Variants in SPACA6 observed in about 807,000 individuals in gnomAD.
SPACA6 encodes sperm acrosome associated 6.
For missense variants in SPACA6, 8 were observed against 2.8 expected, an observed-to-expected ratio of 2.88 and a Z score of -1.34; for synonymous variants, 6 against 1.5, an observed-to-expected ratio of 4.05 and a Z score of -2.21.
chr19:51,690,446 C>T (rs369068094), upstream of SPACA6, among the ~76,000 whole-genome samples: 6 of 152,178 alleles, frequency 3.9e-5, no homozygotes, highest in African/African-American at 1.4e-4. Flanking sequence ...CCCCAGGCCC[C>T]TCCTCCTCCG....
rs1179126487 is a variant in SPACA6, at chr19:51,704,198, C to A, written c.730+12C>A. ...CTTCTTTCTTAACGGTGGGGCGGGGCGCGGCCGCGTGAGTGAGCGGGGTCG... is the reference window on the plus strand; with the variant it reads ...CTTCTTTCTTAACGGTGGGGCGGGGAGCGGCCGCGTGAGTGAGCGGGGTCG... On this transcript the variant is annotated intron_variant, in intron 7 of 8. Coordinates refer to ENST00000637797, the MANE Select transcript of SPACA6 (RefSeq NM_001316972.2). 2.5e-6 allele frequency: 1 copy of A among 400,770 alleles called. No individual in the cohort carries two copies. The highest frequency in any genetic ancestry group is 4.4e-6 in the Non-Finnish European group (1 of 226,082). 24.8% of individuals were successfully genotyped at this position (400,770 alleles called of 1,614,324 possible).
upstream of SPACA6, chr19:51,688,613 A>C (rs2083340058): frequency 6.6e-6 from 1 of 152,518 alleles, no homozygotes; most frequent in African/African-American, 2.4e-5. Context: ...GAAGGGGGAG[A>C]GAGAGACGGG....
chr19:51,708,804 G>A (rs959039074), downstream of SPACA6, among the ~76,000 whole-genome samples: 1 of 151,928 alleles, frequency 6.6e-6, no homozygotes, highest in African/African-American at 2.4e-5. Flanking sequence ...TCCAGCCTGG[G>A]CAACAGAGTG....
At chr19:51,691,288 A>G (rs1349564096), upstream of SPACA6, among the ~76,000 whole-genome samples, 1 of 150,636 alleles carries the variant, frequency 6.6e-6, no homozygotes. Flanking sequence ...AAGGAGAGAG[A>G]GAGGGAGAGA....
At chr19:51,688,792 G>A (rs568872534), upstream of SPACA6, among the ~76,000 whole-genome samples, 10 of 152,102 alleles carry the variant, frequency 6.6e-5, no homozygotes, top group Admixed American at 2.0e-4. Context: ...GGGAGAGGGC[G>A]AAAGGAAGGA....
chr19:51,693,929 CTCAGAGAGGGGAGGATGGAGAG>C lies in SPACA6; in HGVS notation c.214+202_214+223del, dbSNP rs2083400166. On this transcript the variant is annotated intron_variant, in intron 1 of 8. Transcript: ENST00000637797. ...ACAGGGGAAGACAGCAGGGCAAAGA[CTCAGAGAGGGGAGGATGGAGAG>C]TCAGAGAGGGGAAGATGGAGACTCA... 1.0e-5 allele frequency: 4 copies of C among 388,420 alleles called. No individual in the cohort carries two copies. The South Asian group carries it at 5.7e-4, about 55-fold the overall frequency. The allele number at this position is 388,420 out of a possible 1,614,324, so 24.1% of individuals were successfully genotyped here.
downstream of SPACA6, among the ~76,000 whole-genome samples, chr19:51,712,688 G>A (rs539322883): frequency 8.5e-5 from 13 of 152,288 alleles, no homozygotes; most frequent in African/African-American, 2.9e-4. Context: ...AGGGGCAAGT[G>A]AGTGGGAAGA....
downstream of SPACA6, among the ~76,000 whole-genome samples, chr19:51,708,459 C>A (rs1382965654): frequency 1.3e-5 from 2 of 152,116 alleles, no homozygotes; most frequent in Non-Finnish European, 2.9e-5. Flanking sequence ...GAGAAGCCCT[C>A]ACTGAGAAAG....
chr19:51,692,886 G>A (rs369974758), upstream of SPACA6: 3 of 533,216 alleles, frequency 5.6e-6, no homozygotes, highest in Admixed American at 3.9e-5. This position sits in a 1 kb window ranked among gnomAD's most constrained non-coding sequence, Gnocchi z 5.6. Flanking sequence ...ACGGGACGGG[G>A]CCCGGCGGGG....
At chr19:51,691,742 A>T (rs969096001), upstream of SPACA6, among the ~76,000 whole-genome samples, 1 of 147,982 alleles carries the variant, frequency 6.8e-6, no homozygotes, top group Non-Finnish European at 1.5e-5. Context: ...AGCGAGAACC[A>T]GACAGTCCAG....
upstream of SPACA6, chr19:51,687,100 G>C (rs1000157128): frequency 3.9e-5 from 6 of 152,022 alleles, no homozygotes; most frequent in Admixed American, 3.3e-4. Context: ...CATCTCTACA[G>C]AATACACAAA....
upstream of SPACA6, chr19:51,692,602 C>T (rs1568614304): frequency 1.9e-6 from 1 of 526,348 alleles, no homozygotes; most frequent in Non-Finnish European, 3.9e-6. The surrounding 1 kb of genome is among the most constrained non-coding windows in gnomAD (Gnocchi z 5.6). Flanking sequence ...GGCCCGGACT[C>T]CTGGGTCCTG....
chr19:51,698,882 A>G (rs2083448494), intron 2 of SPACA6, among the ~76,000 whole-genome samples: 1 of 152,090 alleles, frequency 6.6e-6, no homozygotes, highest in Non-Finnish European at 1.5e-5. Context: ...AGCTCCTTCA[A>G]GACTTAATAT....
Position 51,693,533 on chromosome 19 carries a change from C to G in SPACA6, c.7C>G (p.Leu3Val). Residue 3 changes from leucine to valine, a missense_variant, in exon 1 of 9, where the codon CTG becomes GTG. By Grantham distance (32) the Leu-to-Val change is conservative (BLOSUM62 1). Transcript: ENST00000637797. MALLALASAVPSA... is the reference protein window; with the variant it reads MAVLALASAVPSA... Reference sequence around the variant, plus strand: ...TGGCCTTGAGACCCACACGATGGCCCTGCTGGCTCTGGCCAGTGCCGTCCC... The same window carrying G: ...TGGCCTTGAGACCCACACGATGGCCGTGCTGGCTCTGGCCAGTGCCGTCCC... 1 of 484,920 alleles carries G rather than the reference C, an allele frequency of 2.1e-6. No homozygotes were observed. Among genetic ancestry groups the G allele is most frequent in the Non-Finnish European group, 3.8e-6 (1 of 264,368 alleles). 30.0% of individuals were successfully genotyped at this position (484,920 alleles called of 1,614,324 possible).
chr19:51,709,092 G>A (rs1041165993), downstream of SPACA6, among the ~76,000 whole-genome samples: 1 of 152,040 alleles, frequency 6.6e-6, no homozygotes, highest in African/African-American at 2.4e-5. Flanking sequence ...GGCTGGGTGT[G>A]GTGGCTCACA....
chr19:51,704,973 C>G (rs1013502849), intron 8 of SPACA6, 117 bp from the exon 9 acceptor site: 5 of 400,338 alleles, frequency 1.2e-5, no homozygotes, highest in Non-Finnish European at 2.2e-5. Context: ...CCCCTCCTCC[C>G]TCAGAACCAG....
At chr19:51,692,228 A>G (rs530437787), upstream of SPACA6, among the ~76,000 whole-genome samples, 10 of 152,166 alleles carry the variant, frequency 6.6e-5, no homozygotes, top group African/African-American at 2.4e-4. This position sits in a 1 kb window ranked among gnomAD's most constrained non-coding sequence, Gnocchi z 5.6. Context: ...TACGAGACAA[A>G]TGAGGTTCCC....
At chr19:51,705,457 C>T (rs1216542562), downstream of SPACA6, 2 of 225,154 alleles carry the variant, frequency 8.9e-6, no homozygotes, top group East Asian at 9.0e-5. Context: ...CCAGAAAGAG[C>T]AACACCATCC....
chr19:51,702,610 G>A lies in SPACA6; in HGVS notation c.362-19G>A. 1 of 399,082 alleles carries A rather than the reference G, an allele frequency of 2.5e-6. No homozygotes were observed. The highest frequency in any genetic ancestry group is 4.4e-6 in the Non-Finnish European group (1 of 226,126). 24.7% of individuals were successfully genotyped at this position (399,082 alleles called of 1,614,324 possible). On this transcript the variant is annotated intron_variant, in intron 3 of 8. Transcript: ENST00000637797. ...CTTCCCATGACTGTAAGGTAGTGAT[G>A]TTTCCTCTTCCTCCACAGCCCAGGC... is the stretch of plus-strand genomic sequence containing the variant.
Sources: gnomAD v4.1 joint callset for allele counts (sites outside exome capture counted in the v4.1 genomes callset) on GRCh38, gnomAD v4.1.1 for gene constraint, Gnocchi (gnomAD v3.1) non-coding constraint, MANE v1.5 for transcripts, NCBI Gene and HGNC (gene_info 2026-07-23, HGNC 2026-07-21) for gene names.